MMP20: variants seen among roughly 807,000 people sequenced by gnomAD.
MMP20 encodes matrix metalloproteinase-20.
In MMP20, 50 loss-of-function variants were observed where a neutral mutation model predicts 51.8. That is an observed-to-expected ratio of 0.97 (90% CI 0.77 to 1.22). The LOEUF (loss-of-function observed/expected upper bound fraction) is 1.22. Ranked by LOEUF, MMP20 falls within the 50% of genes most tolerant of loss-of-function variation. The pLI is 0.00. For missense variants in MMP20, 663 were observed against 601.4 expected, an observed-to-expected ratio of 1.10 and a Z score of -1.07; for synonymous variants, 244 against 216.2, an observed-to-expected ratio of 1.13 and a Z score of -1.13.
At chr11:102,622,177 T>G (rs1464592675) in intron 1 of MMP20, among the ~76,000 whole-genome samples, 2 of 148,982 alleles carry the variant, frequency 1.3e-5, no homozygotes, top group African/African-American at 5.0e-5. Context: ...AAGTGTAGAT[T>G]TTTTAGGGGA....
chr11:102,606,994 G>A (rs1238646578), intron 5 of MMP20: 2 of 354,236 alleles, frequency 5.6e-6, no homozygotes, highest in Non-Finnish European at 1.1e-5. Flanking sequence ...TTGGCACATA[G>A]TAAGTCTTCT....
chr11:102,621,520 A>G (rs939043334), intron 1 of MMP20, among the ~76,000 whole-genome samples: 4 of 152,226 alleles, frequency 2.6e-5, no homozygotes, highest in Non-Finnish European at 5.9e-5. Context: ...GTGAGGATCC[A>G]ATGAGGTCCT....
At chr11:102,580,824 T>C (rs191589993) in intron 8 of MMP20, among the ~76,000 whole-genome samples, 2 of 152,252 alleles carry the variant, frequency 1.3e-5, no homozygotes, top group African/African-American at 4.8e-5. Flanking sequence ...AGGAAGGACA[T>C]AAACTGAGAA....
chr11:102,579,014 G>A (rs780682382), intron 9 of MMP20, 25 bp downstream of exon 9: 1 of 1,525,166 alleles, frequency 6.6e-7, no homozygotes. Context: ...TTTTCATGAA[G>A]AAAGTTTTCA....
At position 102,616,740 on chromosome 11, in the gene MMP20, AT is replaced by A; in HGVS notation, c.374+71del. 1.9e-6 allele frequency: 3 copies of A among 1,589,438 alleles called. No homozygotes were observed. The African/African-American group carries it at 4.0e-5, about 21-fold the overall frequency. ...TTTTTATACGGATGAGAAGGAAAAT[AT>A]TTTTTCAAGAAAAGGGAAAAAGAGA... On this transcript the variant is annotated intron_variant, in intron 2 of 9. Transcript: ENST00000260228.
intron 1 of MMP20, 96 bp downstream of exon 1, chr11:102,625,098 A>G (rs1312966324): frequency 1.0e-5 from 15 of 1,505,082 alleles, no homozygotes; most frequent in Non-Finnish European, 1.4e-5. Flanking sequence ...AATGATTTTA[A>G]AAGAACAATA....
At chr11:102,604,310 C>T (rs753767150) in intron 6 of MMP20, among the ~76,000 whole-genome samples, 60 of 152,074 alleles carry the variant, frequency 3.9e-4, no homozygotes, top group African/African-American at 1.3e-3. Context: ...CTACCACTCC[C>T]GGGTCATTGC....
chr11:102,577,900 T>C (rs1250285182), intron 9 of MMP20, among the ~76,000 whole-genome samples: 1 of 152,252 alleles, frequency 6.6e-6, no homozygotes, highest in Non-Finnish European at 1.5e-5. Context: ...TTGTCTGTTT[T>C]CCAGTCATTT....
intron 8 of MMP20, chr11:102,583,713 C>T (rs541769361): frequency 6.6e-6 from 1 of 152,324 alleles, no homozygotes; most frequent in African/African-American, 2.4e-5. Flanking sequence ...ACCATCAACA[C>T]AATCAATTTT....
chr11:102,615,126 TA>T (rs1859651876), intron 2 of MMP20, among the ~76,000 whole-genome samples: 2 of 147,290 alleles, frequency 1.4e-5, no homozygotes, highest in Non-Finnish European at 3.0e-5. Context: ...ACCTATTAAA[TA>T]ATATAACATA....
intron 1 of MMP20, among the ~76,000 whole-genome samples, chr11:102,621,006 C>T (rs1565401574): frequency 6.6e-6 from 1 of 152,226 alleles, no homozygotes; most frequent in African/African-American, 2.4e-5. Context: ...GCTGCTCCCA[C>T]ACACATCTGC....
chr11:102,612,262 C>T (rs1310240485), intron 2 of MMP20, among the ~76,000 whole-genome samples: 5 of 152,082 alleles, frequency 3.3e-5, no homozygotes, highest in South Asian at 2.1e-4. Context: ...GTCAAGAGTT[C>T]GAGATCAGCC....
chr11:102,593,374 T>C, intron 8 of MMP20, 65 bp downstream of exon 8: 30 of 1,564,684 alleles, frequency 1.9e-5, no homozygotes, highest in Non-Finnish European at 2.4e-5. Context: ...CGTGGAAGGG[T>C]TTTTATCTTT....
chr11:102,577,684 T>C (rs761679544), intron 9 of MMP20, among the ~76,000 whole-genome samples: 7 of 152,230 alleles, frequency 4.6e-5, no homozygotes, highest in Non-Finnish European at 7.3e-5. Context: ...CTCAGTTATG[T>C]ACTGTGCTTC....
chr11:102,596,905 T>C (rs977987087), intron 6 of MMP20, among the ~76,000 whole-genome samples: 13 of 152,240 alleles, frequency 8.5e-5, no homozygotes, highest in African/African-American at 3.1e-4. Flanking sequence ...AATACAGTTT[T>C]GGGTATCCAG....
chr11:102,582,059 T>C (rs1859201742), intron 8 of MMP20, among the ~76,000 whole-genome samples: 1 of 152,224 alleles, frequency 6.6e-6, no homozygotes, highest in Admixed American at 6.5e-5. Context: ...GGTATTTACA[T>C]TTAATATATA....
intron 6 of MMP20, among the ~76,000 whole-genome samples, chr11:102,595,046 C>T (rs554363256): frequency 1.6e-4 from 24 of 152,074 alleles, no homozygotes; most frequent in African/African-American, 5.3e-4. Context: ...CTCAGCTTCC[C>T]GAATAACTGG....
intron 1 of MMP20, among the ~76,000 whole-genome samples, chr11:102,617,564 T>A (rs1248691577): frequency 1.3e-5 from 2 of 152,218 alleles, no homozygotes; most frequent in African/African-American, 4.8e-5. Context: ...TATTCCAGCC[T>A]CTCACACTTT....
At chr11:102,586,975 C>T (rs913899385) in intron 8 of MMP20, among the ~76,000 whole-genome samples, 7 of 150,282 alleles carry the variant, frequency 4.7e-5, no homozygotes, top group Non-Finnish European at 8.9e-5. Flanking sequence ...TTTATATTTC[C>T]TTCTTTCTTC....
Sources: allele counts gnomAD v4.1 joint callset (sites outside exome capture counted in the v4.1 genomes callset), GRCh38; gene constraint gnomAD v4.1.1; transcripts MANE v1.5; gene names NCBI Gene and HGNC (gene_info 2026-07-23, HGNC 2026-07-21).